CLUH: variants seen among roughly 807,000 people sequenced by gnomAD.
The protein encoded by CLUH is CLUH binding protein of NUMT mRNA, also known as clustered mitochondria protein homolog.
A neutral mutation model predicts 139.3 loss-of-function variants in CLUH; 77 were observed. The observed-to-expected ratio is 0.55, with a 90% CI of 0.46 to 0.67. The LOEUF (loss-of-function observed/expected upper bound fraction) is 0.67, where lower values mean the gene tolerates loss of function less well. Among genes scored for constraint, CLUH ranks in the 30% least tolerant of loss-of-function variants. The probability of loss-of-function intolerance (pLI) is 0.00; values close to 1 mark genes in which losing one functional copy is unlikely to be tolerated. For synonymous variants in CLUH, 999 were observed against 801.6 expected (o/e 1.25, Z -4.16); for missense variants, 1,876 against 1,875.8 (o/e 1.00, Z 0.00).
chr17:2,691,034 TGGG>T (rs770538209), intron 25 of CLUH, among the ~76,000 whole-genome samples: 2 of 151,034 alleles, frequency 1.3e-5, no homozygotes, highest in East Asian at 4.0e-4. Context: ...AAAGCGGAGT[TGGG>T]GGGCTGCTGC....
intron 9 of CLUH, among the ~76,000 whole-genome samples, chr17:2,698,952 CAGG>C (rs374103320): frequency 3.8e-4 from 58 of 152,140 alleles, no homozygotes; most frequent in Middle Eastern, 3.2e-3. Flanking sequence ...CAGGCTGAGG[CAGG>C]AGAATTGCTT....
chr17:2,696,908 G>C lies in CLUH; in HGVS notation c.1996C>G (p.Leu666Val). ...LLFMKLAALQ[L>V]MQQNASQLET... ...AGCTGGCTGGCGTTCTGCTGCATCAGCTGCAAGGCGGCCAGCTTCATAAAG... is the reference window on the plus strand; with the variant it reads ...AGCTGGCTGGCGTTCTGCTGCATCACCTGCAAGGCGGCCAGCTTCATAAAG... Residue 666 changes from leucine (L) to valine (V), a missense_variant, in exon 11 of 26, where the codon CTG becomes GTG. By Grantham distance (32) the Leu-to-Val change is conservative (BLOSUM62 1). Transcript: ENST00000651024. 1 of 1,606,806 alleles carries C rather than the reference G, an allele frequency of 6.2e-7. No individual in the cohort carries two copies. The highest frequency in any genetic ancestry group is 8.5e-7 in the Non-Finnish European group (1 of 1,176,830).
chr17:2,692,019 G>A lies in CLUH; in HGVS notation c.3639C>T (p.Thr1213=), dbSNP rs775564975. The change falls in exon 23 of 26, where the codon ACC becomes ACT. Residue 1213 remains threonine (T), a synonymous_variant. Coordinates refer to ENST00000651024, the MANE Select transcript of CLUH (RefSeq NM_001366661.1). The part of the protein sequence containing the change: ...SALQHEKEGY[T]IYKTQLGEDH... ...CGCCGCGCACCTGCGTCTTGTAGAT[G>A]GTGTAACCCTCCTTCTCGTGCTGCA... The A allele has an allele frequency of 6.4e-7, 1 of 1,568,542 alleles. No homozygotes were observed. The highest frequency in any genetic ancestry group is 8.6e-7 in the Non-Finnish European group (1 of 1,157,008).
chr17:2,691,920 GGCCCCCCCGT>G (rs772347292), intron 23 of CLUH, 25 bp from the exon 24 acceptor site: 167 of 1,374,408 alleles, frequency 1.2e-4, no homozygotes, highest in South Asian at 1.9e-4. Context: ...GAAGGGATCA[GGCCCCCCCGT>G]GCCCCCGCGG....
In CLUH at chr17:2,690,020, A is replaced by C. The variant is rs972081553; in HGVS notation, c.*574T>G. Reference sequence around the variant, plus strand: ...ACAACGGCGGCTCCCGTCCCGCCCCAAACTAAAGTGCACCCCAGCCCTCCA... The same window carrying C: ...ACAACGGCGGCTCCCGTCCCGCCCCCAACTAAAGTGCACCCCAGCCCTCCA... On this transcript the variant is annotated 3_prime_UTR_variant, in exon 26 of 26. Coordinates refer to ENST00000651024, the MANE Select transcript of CLUH (RefSeq NM_001366661.1). The C allele has an allele frequency of 6.6e-6, 1 of 151,310 alleles. No homozygotes were observed. The highest frequency in any genetic ancestry group is 6.6e-5 in the Admixed American group (1 of 15,194). 9.4% of individuals were successfully genotyped at this position (151,310 alleles called of 1,614,324 possible). A position where few individuals can be genotyped will look rare whatever the true frequency, so the allele number is the denominator to read the frequency against.
Position 2,698,149 on chromosome 17 carries a change from G to C in CLUH, c.1708C>G (p.Arg570Gly). ...ERTSRPLKIL[R>G]HQVLNDRDEE... ...TCACGGTCGTTGAGCACCTGGTGCCGCAGGATCTTGAGGGGCCGACTCGTG... is the reference window on the plus strand; with the variant it reads ...TCACGGTCGTTGAGCACCTGGTGCCCCAGGATCTTGAGGGGCCGACTCGTG... Residue 570 changes from arginine (R) to glycine (G), a missense_variant, in exon 10 of 26, where the codon CGG becomes GGG. Coordinates refer to ENST00000651024, the MANE Select transcript of CLUH (RefSeq NM_001366661.1). The C allele has an allele frequency of 6.3e-7, 1 of 1,580,154 alleles. No homozygotes were observed. Among genetic ancestry groups the C allele is most frequent in the Non-Finnish European group, 8.6e-7 (1 of 1,164,308 alleles).
intron 13 of CLUH, chr17:2,695,761 T>A (rs189481152): frequency 8.2e-6 from 5 of 609,360 alleles, no homozygotes; most frequent in African/African-American, 5.6e-5. Flanking sequence ...AGGTGCCCGC[T>A]TGGGGGCACT....
chr17:2,696,456 G>T lies in CLUH; in HGVS notation c.2268C>A (p.Phe756Leu). 1 of 1,594,300 alleles carries T rather than the reference G, an allele frequency of 6.3e-7. No homozygotes were observed. ...SISSTAFDIR[F>L]NPDIFSPGVR... ...TGCCTGGTGAGAAGATGTCAGGATTGAAGCGAATGTCGAAGGCGGTGCTGC... is the reference window on the plus strand; with the variant it reads ...TGCCTGGTGAGAAGATGTCAGGATTTAAGCGAATGTCGAAGGCGGTGCTGC... The change falls in exon 12 of 26, where the codon TTC becomes TTA. Residue 756 changes from phenylalanine to leucine, a missense_variant. By Grantham distance (22) the Phe-to-Leu change is conservative. This residue lies in a region of CLUH where 1,454 missense variants were observed against 1,384.4 expected (regional missense o/e 1.05). Transcript: ENST00000651024.
Position 2,704,300 on chromosome 17 carries a change from T to G in CLUH, c.303+62A>C, listed in dbSNP as rs1226879729. 7.9e-6 allele frequency: 12 copies of G among 1,522,680 alleles called. No individual in the cohort carries two copies. Among genetic ancestry groups the G allele is most frequent in the Non-Finnish European group, 9.8e-6 (11 of 1,118,936 alleles). The allele number at this position is 1,522,680 out of a possible 1,614,324, so 94.3% of individuals were successfully genotyped here. A position where few individuals can be genotyped will look rare whatever the true frequency, so the allele number is the denominator to read the frequency against. On this transcript the variant is annotated intron_variant, in intron 2 of 25. Coordinates refer to ENST00000651024, the MANE Select transcript of CLUH (RefSeq NM_001366661.1). The surrounding 1 kb of genome is among the most constrained non-coding windows in gnomAD (Gnocchi z 5.7). The stretch of plus-strand genomic sequence containing the variant: ...GTAGGAGCACGAGCAAGGCTGAGCT[T>G]TCCAGCTCACCCTCCCCAGCAGGCT...
Position 2,698,094 on chromosome 17 carries a change from T to A in CLUH, c.1763A>T (p.Glu588Val). The A allele has an allele frequency of 6.2e-7, 1 of 1,604,222 alleles. No individual in the cohort carries two copies. Among genetic ancestry groups the A allele is most frequent in the Non-Finnish European group, 8.5e-7 (1 of 1,177,094 alleles). ...DEEVELCSSV[E>V]CKGIIGNDGR... ...GTCGTTGCCAATGATGCCCTTGCAC[T>A]CGACCGAGGAGCAGAGCTCCACCTC... The change falls in exon 10 of 26, where the codon GAG (glutamate) becomes GTG (valine). Residue 588 changes from glutamate to valine, a missense_variant. Around this residue, in one of 3 missense-constraint regions of CLUH, gnomAD observed 1,454 missense variants for 1,384.4 expected, o/e 1.05. Transcript: ENST00000651024.
At position 2,696,384 on chromosome 17, in the gene CLUH, G is replaced by A. The variant is rs199712921; in HGVS notation, c.2290+50C>T. The A allele has an allele frequency of 5.8e-5, 89 of 1,531,378 alleles. 2 individuals carry two copies. The African/African-American group carries it at 9.7e-4, about 17-fold the overall frequency. 94.9% of individuals were successfully genotyped at this position (1,531,378 alleles called of 1,614,324 possible). A position where few individuals can be genotyped will look rare whatever the true frequency, so the allele number is the denominator to read the frequency against. On this transcript the variant is annotated intron_variant, in intron 12 of 25. Coordinates refer to ENST00000651024, the MANE Select transcript of CLUH (RefSeq NM_001366661.1). The stretch of plus-strand genomic sequence containing the variant: ...GCCCCAAGGGCCCAGGCCCCCCAGC[G>A]AAGCTCTGGCCCTGGAGGGCTCCTG...
chr17:2,703,742 C>T lies in CLUH; in HGVS notation c.304-253G>A, dbSNP rs1005939651. On this transcript the variant is annotated intron_variant, in intron 2 of 25. Coordinates refer to ENST00000651024, the MANE Select transcript of CLUH (RefSeq NM_001366661.1). The surrounding 1 kb of genome is among the most constrained non-coding windows in gnomAD (Gnocchi z 4.2). ...GTGTGCAGCCTGGAGCCTGGCCCAC[C>T]GACTCGGCCTGCAGACCCAGAGCAA... Among the ~76,000 whole-genome samples, 4 of 152,080 alleles carry T rather than the reference C, an allele frequency of 2.6e-5. No homozygotes were observed. The highest frequency in any genetic ancestry group is 2.1e-4 in the South Asian group (1 of 4,818).
intron 10 of CLUH, 136 bp from the exon 11 acceptor site, chr17:2,697,078 G>A (rs1420320170): frequency 1.8e-5 from 12 of 667,394 alleles, no homozygotes; most frequent in African/African-American, 5.5e-5. Flanking sequence ...ATGAGTCAAC[G>A]CAGAAAAACC....
At position 2,694,141 on chromosome 17, in the gene CLUH, G is replaced by A; in HGVS notation, c.3073C>T (p.Gln1025Ter). ...CACACACCCTGCTGCACTTTGGCCT[G>A]CCCGCTCTGGAAGAAATGGAAGGCA... Reference protein sequence around the residue: ...SDAFHFFQSGQAKVQQGFLKE... With the variant: ...SDAFHFFQSG The change falls in exon 18 of 26, where the codon CAG (glutamine) becomes TAG (stop). Residue 1025 changes from glutamine (Q) to a stop codon, truncating the protein, a stop_gained. Coordinates refer to ENST00000651024, the MANE Select transcript of CLUH (RefSeq NM_001366661.1). LOFTEE classifies it high-confidence loss of function. 1 of 1,613,430 alleles carries A rather than the reference G, an allele frequency of 6.2e-7. No homozygotes were observed. The highest frequency in any genetic ancestry group is 8.5e-7 in the Non-Finnish European group (1 of 1,179,698).
In CLUH at chr17:2,711,561, C is replaced by T; in HGVS notation, c.100+1G>A. The T allele has an allele frequency of 2.1e-6, 2 of 974,584 alleles. No individual in the cohort carries two copies. Among genetic ancestry groups the T allele is most frequent in the Non-Finnish European group, 2.4e-6 (2 of 821,234 alleles). 60.4% of individuals were successfully genotyped at this position (974,584 alleles called of 1,614,324 possible). A position where few individuals can be genotyped will look rare whatever the true frequency, so the allele number is the denominator to read the frequency against. ...GGCCCGCTGGCCCTGGCCCCGCTCA[C>T]CGGCCGCGCCCGGCCGCCCCTTGCC... On this transcript the variant is annotated splice_donor_variant, in intron 1 of 25. Transcript: ENST00000651024. LOFTEE classifies it high-confidence loss of function.
intron 18 of CLUH, 21 bp downstream of exon 18, chr17:2,694,102 C>T: frequency 6.2e-7 from 1 of 1,613,922 alleles, no homozygotes; most frequent in Non-Finnish European, 8.5e-7. Context: ...CACCTCCACC[C>T]AGCCCCACCT....
Position 2,689,912 on chromosome 17 carries a change from CAG to C in CLUH, c.*680_*681del, listed in dbSNP as rs2069556851. On this transcript the variant is annotated 3_prime_UTR_variant, in exon 26 of 26. Coordinates refer to ENST00000651024, the MANE Select transcript of CLUH (RefSeq NM_001366661.1). ...GGGTGCAGGGAGTAGGGAGCCGAGT[CAG>C]AGCCACCCACTGGGCTCTGAGGGCC... 6.5e-6 allele frequency: 1 copy of C among 152,722 alleles called. No individual in the cohort carries two copies. The highest frequency in any genetic ancestry group is 2.4e-5 in the African/African-American group (1 of 41,438). 9.5% of individuals were successfully genotyped at this position (152,722 alleles called of 1,614,324 possible). A position where few individuals can be genotyped will look rare whatever the true frequency, so the allele number is the denominator to read the frequency against.
chr17:2,691,973 C>CCCCCCG (rs1567575975), intron 23 of CLUH, 31 bp downstream of exon 23: 6 of 467,048 alleles, frequency 1.3e-5, no homozygotes, highest in East Asian at 1.8e-4. Flanking sequence ...CCCCGCCCCG[C>CCCCCCG]CCCCGCCCCC....
In CLUH at chr17:2,698,028, G is replaced by C. The variant is rs374090140; in HGVS notation, c.1829C>G (p.Pro610Arg). The C allele has an allele frequency of 6.9e-6, 11 of 1,604,048 alleles. No homozygotes were observed. Among genetic ancestry groups the C allele is most frequent in the Admixed American group, 5.0e-5 (3 of 59,586 alleles). The change falls in exon 10 of 26, where the codon CCG becomes CGG. Residue 610 changes from proline (P) to arginine (R), a missense_variant. Physicochemically the swap from Pro to Arg is moderately radical, Grantham distance 103. Around this residue, in one of 3 missense-constraint regions of CLUH, gnomAD observed 1,454 missense variants for 1,384.4 expected, o/e 1.05. Transcript: ENST00000651024. ...AGGCACGGGCAGGAAGTTGAGGTCC[G>C]GGGGGAAGGTGCGCAGCAGGTCGAG... The part of the protein sequence containing the change: ...YILDLLRTFP[P>R]DLNFLPVPGE...
Sources: allele counts gnomAD v4.1 joint callset (sites outside exome capture counted in the v4.1 genomes callset), GRCh38; gene constraint gnomAD v4.1.1; regional missense constraint gnomAD v4.1.1; non-coding constraint Gnocchi (gnomAD v3.1); transcripts MANE v1.5; gene names NCBI Gene and HGNC (gene_info 2026-07-23, HGNC 2026-07-21).